The following TESC variants were observed in gnomAD, a reference collection of about 807,000 sequenced individuals.
TESC encodes calcineurin B homologous protein 3.
Under a neutral mutation model 31.0 loss-of-function variants are expected in TESC, and 19 were observed. That is an observed-to-expected ratio of 0.61 (90% CI 0.43 to 0.90). The LOEUF is 0.90. Among genes scored for constraint, TESC ranks in the 40% least tolerant of loss-of-function variants. TESC has a pLI of 0.00. For synonymous variants in TESC, 109 were observed against 114.8 expected (o/e 0.95, Z 0.32); for missense variants, 248 against 303.8 (o/e 0.82, Z 1.36).
chr12:117,078,024 A>G (rs1955096910), intron 1 of TESC, among the ~76,000 whole-genome samples: 1 of 152,256 alleles, frequency 6.6e-6, no homozygotes, highest in Non-Finnish European at 1.5e-5. Context: ...AAAAATGAAT[A>G]AAAATTTTTT....
intron 6 of TESC, among the ~76,000 whole-genome samples, chr12:117,043,169 G>A (rs1250051792): frequency 2.0e-5 from 3 of 152,020 alleles, no homozygotes; most frequent in South Asian, 2.1e-4. Context: ...GGGGTCATAC[G>A]GAGAAAATGG....
intron 1 of TESC, among the ~76,000 whole-genome samples, chr12:117,098,834 C>T (rs897862946): frequency 2.0e-5 from 3 of 152,220 alleles, no homozygotes; most frequent in Non-Finnish European, 2.9e-5. Flanking sequence ...AAACTTTCCG[C>T]TCTCGCGCTC....
chr12:117,046,883 G>A (rs781735702), intron 4 of TESC, 45 bp from the exon 5 acceptor site: 6 of 1,535,140 alleles, frequency 3.9e-6, no homozygotes, highest in East Asian at 4.9e-5. Flanking sequence ...GCGGGGCCTG[G>A]CCCCTGCCAC....
intron 3 of TESC, among the ~76,000 whole-genome samples, chr12:117,050,957 TCCAAAC>T (rs928739479): frequency 1.3e-5 from 2 of 152,120 alleles, no homozygotes; most frequent in African/African-American, 4.8e-5. Flanking sequence ...TGGAGATGAC[TCCAAAC>T]CCAAGCTCCT....
chr12:117,091,027 C>T (rs1046549434), intron 1 of TESC, among the ~76,000 whole-genome samples: 6 of 152,210 alleles, frequency 3.9e-5, no homozygotes, highest in African/African-American at 1.2e-4. Flanking sequence ...GTGCCAAGAA[C>T]GGAAGGCTTG....
intron 4 of TESC, among the ~76,000 whole-genome samples, chr12:117,047,246 C>T (rs1954582478): frequency 6.6e-6 from 1 of 152,206 alleles, no homozygotes; most frequent in Non-Finnish European, 1.5e-5. Flanking sequence ...ACCATCATCT[C>T]ACCCATAGCA....
In TESC at chr12:117,049,057, T is replaced by G; in HGVS notation, c.311A>C (p.Glu104Ala). 6.2e-7 allele frequency: 1 copy of G among 1,614,214 alleles called. No individual in the cohort carries two copies. The change falls in exon 4 of 8, where the codon GAG becomes GCG. Residue 104 changes from glutamate to alanine, a missense_variant. Coordinates refer to ENST00000335209, the MANE Select transcript of TESC (RefSeq NM_017899.4). Reference sequence around the variant, plus strand: ...CTTCCGGGACAGCTCCACCTGTTCCTCGTCCATGGTGGTGTCGATGGGCCG... The same window carrying G: ...CTTCCGGGACAGCTCCACCTGTTCCGCGTCCATGGTGGTGTCGATGGGCCG... ...YFRPIDTTMD[E>A]EQVELSRKEK...
At chr12:117,076,590 C>T (rs1399205103) in intron 1 of TESC, among the ~76,000 whole-genome samples, 3 of 151,468 alleles carry the variant, frequency 2.0e-5, no homozygotes, top group African/African-American at 4.9e-5. Context: ...ATTACAGGCA[C>T]GCGCCACCAC....
At chr12:117,083,765 A>C (rs1593021738) in intron 1 of TESC, among the ~76,000 whole-genome samples, 1 of 152,186 alleles carries the variant, frequency 6.6e-6, no homozygotes, top group African/African-American at 2.4e-5. Flanking sequence ...AGTGACTGCC[A>C]GTGGGTATCC....
At chr12:117,054,668 C>G (rs1186389180) in intron 3 of TESC, among the ~76,000 whole-genome samples, 1 of 152,146 alleles carries the variant, frequency 6.6e-6, no homozygotes, top group African/African-American at 2.4e-5. Context: ...CCAGTGGGAC[C>G]CTGGGAGGCT....
chr12:117,091,457 G>A (rs1955306548), intron 1 of TESC, among the ~76,000 whole-genome samples: 1 of 152,218 alleles, frequency 6.6e-6, no homozygotes, highest in South Asian at 2.1e-4. Context: ...ATACATTCTG[G>A]AGACCATTAA....
At chr12:117,086,387 C>T (rs1391540232) in intron 1 of TESC, among the ~76,000 whole-genome samples, 3 of 152,076 alleles carry the variant, frequency 2.0e-5, no homozygotes, top group South Asian at 4.2e-4. Flanking sequence ...CAAGCATGAG[C>T]CACTGCTCCT....
chr12:117,081,010 A>G (rs1407317723), intron 1 of TESC, among the ~76,000 whole-genome samples: 2 of 152,116 alleles, frequency 1.3e-5, no homozygotes, highest in Non-Finnish European at 2.9e-5. Flanking sequence ...TGGCAGCTGG[A>G]CCTCATTATT....
At chr12:117,048,255 C>T (rs1016567183) in intron 4 of TESC, among the ~76,000 whole-genome samples, 21 of 152,346 alleles carry the variant, frequency 1.4e-4, no homozygotes, top group South Asian at 2.1e-4. Context: ...TCCTGTTCCA[C>T]GCCCCTTGGA....
chr12:117,075,867 A>ATG lies in TESC; in HGVS notation c.59-528_59-527insCA, dbSNP rs1565971372. 5.0e-4 allele frequency among the ~76,000 whole-genome samples: 15 copies of ATG among 30,108 alleles called. 1 individual carries two copies. Among genetic ancestry groups the ATG allele is most frequent in the African/African-American group, 1.5e-3 (11 of 7,516 alleles). The allele number at this position is 30,108 out of a possible 152,430, so 19.8% of individuals were successfully genotyped here. Reference sequence around the variant, plus strand: ...TGTGTGTATATATATATATATATATATATGTGTGTATATATATATATATAT... The same window carrying ATG: ...TGTGTGTATATATATATATATATATATGTATGTGTGTATATATATATATATAT... On this transcript the variant is annotated intron_variant, in intron 1 of 7. Coordinates refer to ENST00000335209, the MANE Select transcript of TESC (RefSeq NM_017899.4).
chr12:117,088,040 C>G (rs538168654), intron 1 of TESC, among the ~76,000 whole-genome samples: 1 of 152,252 alleles, frequency 6.6e-6, no homozygotes, highest in South Asian at 2.1e-4. Context: ...CTAAGTCACT[C>G]CCTGAAGGTC....
Position 117,056,895 on chromosome 12 carries a change from CAAG to C in TESC, c.129-12_129-10del, listed in dbSNP as rs1311078965. On this transcript the variant is annotated splice_polypyrimidine_tract_variant and intron_variant, in intron 2 of 7. Coordinates refer to ENST00000335209, the MANE Select transcript of TESC (RefSeq NM_017899.4). ...TGTTGAAGTTCTCCTTGCTGGTTTC[CAAG>C]AAGGAGAGATACCGGGAAGAGAATA... 1.8e-5 allele frequency: 29 copies of C among 1,613,766 alleles called. No homozygotes were observed. In the Admixed American group the frequency reaches 4.7e-4, roughly 26 times the overall value.
At chr12:117,081,281 C>T (rs575214063) in intron 1 of TESC, among the ~76,000 whole-genome samples, 1 of 152,252 alleles carries the variant, frequency 6.6e-6, no homozygotes, top group South Asian at 2.1e-4. Flanking sequence ...ACTGCAATAA[C>T]TTTTGATATT....
At chr12:117,061,291 G>T (rs1040514879) in intron 2 of TESC, among the ~76,000 whole-genome samples, 1 of 152,120 alleles carries the variant, frequency 6.6e-6, no homozygotes, top group African/African-American at 2.4e-5. Context: ...TTTGCTGAGC[G>T]AATAATGAAG....
Sources: gnomAD v4.1 joint callset for allele counts (sites outside exome capture counted in the v4.1 genomes callset) on GRCh38, gnomAD v4.1.1 for gene constraint, MANE v1.5 for transcripts, NCBI Gene and HGNC (gene_info 2026-07-23, HGNC 2026-07-21) for gene names.